TRPV4: variants seen among roughly 807,000 people sequenced by gnomAD.
TRPV4 encodes the protein OSM9-like transient receptor potential channel 4.
In TRPV4, 58 loss-of-function variants were observed where a neutral mutation model predicts 84.1. The observed-to-expected ratio is 0.69, with a 90% CI of 0.56 to 0.86. The LOEUF (loss-of-function observed/expected upper bound fraction) is 0.86. TRPV4 is among the 40% of genes least tolerant of loss of function. The pLI, the probability that TRPV4 is intolerant of heterozygous loss-of-function variation, is 0.00. For missense variants in TRPV4, 879 were observed against 1,181.1 expected (o/e 0.74, Z 3.75); for synonymous variants, 489 against 500.9 (o/e 0.98, Z 0.32).
At chr12:109,791,194 C>T (rs891234319) in intron 12 of TRPV4, among the ~76,000 whole-genome samples, 1 of 152,006 alleles carries the variant, frequency 6.6e-6, no homozygotes, top group Non-Finnish European at 1.5e-5. Context: ...ACCAGCCTGG[C>T]CAACATAGTG....
chr12:109,799,438 C>G (rs1592840368), intron 5 of TRPV4, among the ~76,000 whole-genome samples: 1 of 152,324 alleles, frequency 6.6e-6, no homozygotes, highest in East Asian at 1.9e-4. Context: ...CGTGAGCCAC[C>G]GCGCCCAGCT....
Position 109,786,586 on chromosome 12 carries a change from G to C in TRPV4, c.2336+124C>G. The C allele has an allele frequency of 7.8e-7, 1 of 1,276,316 alleles. No individual in the cohort carries two copies. Among genetic ancestry groups the C allele is most frequent in the East Asian group, 2.5e-5 (1 of 39,462 alleles). The allele number at this position is 1,276,316 out of a possible 1,614,324, so 79.1% of individuals were successfully genotyped here. ...CGCCTGGTGGAAATGAACTCTGCTC[G>C]GGCCTCTTGGGGCCTCAGTGGCTCC... On this transcript the variant is annotated intron_variant, in intron 14 of 15. Coordinates refer to ENST00000261740, the MANE Select transcript of TRPV4 (RefSeq NM_021625.5). The surrounding 1 kb of genome is among the most constrained non-coding windows in gnomAD (Gnocchi z 4.5).
At chr12:109,827,481 A>G (rs1019013128) in intron 1 of TRPV4, among the ~76,000 whole-genome samples, 1 of 151,656 alleles carries the variant, frequency 6.6e-6, no homozygotes, top group Non-Finnish European at 1.5e-5. Flanking sequence ...GGGTCAGTCA[A>G]CCCCATGCCC....
chr12:109,784,167 G>T, intron 15 of TRPV4, 149 bp downstream of exon 15: 1 of 1,287,286 alleles, frequency 7.8e-7, no homozygotes, highest in Non-Finnish European at 1.1e-6. Flanking sequence ...GGTGCCCCAG[G>T]CATTCACAAG....
chr12:109,828,061 T>C (rs1335955510), intron 1 of TRPV4, among the ~76,000 whole-genome samples: 1 of 152,152 alleles, frequency 6.6e-6, no homozygotes, highest in Non-Finnish European at 1.5e-5. Context: ...GAGGAGCTCT[T>C]TGTGCAAGGG....
chr12:109,797,568 C>T (rs1417425337), intron 6 of TRPV4, among the ~76,000 whole-genome samples: 1 of 152,196 alleles, frequency 6.6e-6, no homozygotes, highest in East Asian at 1.9e-4. Context: ...CTCCTCCCAC[C>T]TCAGCCTCCC....
At chr12:109,806,613 G>T (rs1478208865) in intron 3 of TRPV4, among the ~76,000 whole-genome samples, 1 of 151,380 alleles carries the variant, frequency 6.6e-6, no homozygotes, top group Non-Finnish European at 1.5e-5. Context: ...CCAGCACTTT[G>T]GGAGGTTGAG....
rs372251308 is a variant in TRPV4 at position 109,802,986 on chromosome 12, C to T, written c.712+5G>A. The T allele has an allele frequency of 1.5e-5, 24 of 1,613,618 alleles. No homozygotes were observed. The highest frequency in any genetic ancestry group is 1.9e-5 in the Non-Finnish European group (23 of 1,179,968). ...GTGGCACCCCTGCCCAGCCCGGGGCCCCACCTCGATAGTAGATGTCACGGA... is the reference window on the plus strand; with the variant it reads ...GTGGCACCCCTGCCCAGCCCGGGGCTCCACCTCGATAGTAGATGTCACGGA... On this transcript the variant is annotated splice_donor_5th_base_variant and intron_variant, in intron 4 of 15. Coordinates refer to ENST00000261740, the MANE Select transcript of TRPV4 (RefSeq NM_021625.5).
chr12:109,802,838 G>GCATCCATC (rs111807515), intron 4 of TRPV4, among the ~76,000 whole-genome samples, 153 bp downstream of exon 4: 67 of 151,320 alleles, frequency 4.4e-4, no homozygotes, highest in Admixed American at 1.6e-3. Context: ...ATGCATCCAT[G>GCATCCATC]CATCCATCCA....
At position 109,783,430 on chromosome 12, in the gene TRPV4, C is replaced by A; in HGVS notation, c.*191G>T. 1.4e-6 allele frequency: 1 copy of A among 689,744 alleles called. No individual in the cohort carries two copies. The highest frequency in any genetic ancestry group is 2.3e-6 in the Non-Finnish European group (1 of 426,748). 42.7% of individuals were successfully genotyped at this position (689,744 alleles called of 1,614,324 possible). On this transcript the variant is annotated 3_prime_UTR_variant, in exon 16 of 16. Coordinates refer to ENST00000261740, the MANE Select transcript of TRPV4 (RefSeq NM_021625.5). The surrounding 1 kb of genome is among the most constrained non-coding windows in gnomAD (Gnocchi z 4.6). ...ACTCCATAGGAGCAAGACAGGTGGC[C>A]GGGAGCCCCCACCCCAGGGTGGGGA...
At chr12:109,822,574 G>A (rs891805998) in intron 1 of TRPV4, among the ~76,000 whole-genome samples, 3 of 152,174 alleles carry the variant, frequency 2.0e-5, no homozygotes, top group African/African-American at 7.2e-5. Flanking sequence ...AAAGGGGGAG[G>A]CAGGATTAGA....
chr12:109,816,498 C>T (rs1343768566), intron 1 of TRPV4, among the ~76,000 whole-genome samples: 1 of 152,190 alleles, frequency 6.6e-6, no homozygotes, highest in African/African-American at 2.4e-5. Flanking sequence ...GGGGTTTTGG[C>T]TCAGTGCAGC....
intron 1 of TRPV4, among the ~76,000 whole-genome samples, chr12:109,829,411 A>T (rs1478931704): frequency 6.6e-6 from 1 of 152,332 alleles, no homozygotes; most frequent in East Asian, 1.9e-4. Context: ...TCAGGAAAGT[A>T]AAAAAAGTTG....
Position 109,800,729 on chromosome 12 carries a change from G to C in TRPV4, c.742C>G (p.Arg248Gly). The change falls in exon 5 of 16, where the codon CGT becomes GGT. Residue 248 changes from arginine (R) to glycine (G), a missense_variant. This residue lies in a region of TRPV4 where 521 missense variants were observed against 686.6 expected (regional missense o/e 0.76). Transcript: ENST00000261740. ...AGTTCCACGTAGTGTTTGCAGCGAC[G>C]CTCAATGGCGATGTGCAGGGCTGTC... Reference protein sequence around the residue: ...GQTALHIAIERRCKHYVELLV... With the variant: ...GQTALHIAIEGRCKHYVELLV... 1 of 1,613,972 alleles carries C rather than the reference G, an allele frequency of 6.2e-7. No homozygotes were observed. The highest frequency in any genetic ancestry group is 8.5e-7 in the Non-Finnish European group (1 of 1,180,022).
chr12:109,814,326 T>C lies in TRPV4; in HGVS notation c.386+85A>G. 6.8e-7 allele frequency: 1 copy of C among 1,472,682 alleles called. No individual in the cohort carries two copies. Among genetic ancestry groups the C allele is most frequent in the Non-Finnish European group, 9.3e-7 (1 of 1,074,410 alleles). 91.2% of individuals were successfully genotyped at this position (1,472,682 alleles called of 1,614,324 possible). ...ATGGATGGATGAATCGACGGATGGGTGGATAATAGATAGAGGGGTGGATGA... is the reference window on the plus strand; with the variant it reads ...ATGGATGGATGAATCGACGGATGGGCGGATAATAGATAGAGGGGTGGATGA... On this transcript the variant is annotated intron_variant, in intron 2 of 15. Transcript: ENST00000261740. The surrounding 1 kb of genome is among the most constrained non-coding windows in gnomAD (Gnocchi z 5.4).
chr12:109,808,180 G>A, intron 3 of TRPV4, 116 bp downstream of exon 3: 1 of 1,220,932 alleles, frequency 8.2e-7, no homozygotes, highest in Non-Finnish European at 1.2e-6. Context: ...GCACTTTCCA[G>A]GCCAATGCAG....
At chr12:109,816,282 G>T (rs1347384921) in intron 1 of TRPV4, among the ~76,000 whole-genome samples, 1 of 152,172 alleles carries the variant, frequency 6.6e-6, no homozygotes, top group Admixed American at 6.5e-5. Flanking sequence ...GGGAGAGACA[G>T]CCTGGCCTTT....
At chr12:109,795,719 G>T (rs183907347) in intron 7 of TRPV4, among the ~76,000 whole-genome samples, 1 of 151,998 alleles carries the variant, frequency 6.6e-6, no homozygotes, top group Admixed American at 6.6e-5. Flanking sequence ...TGCTAAGTAG[G>T]GAAAAAAAAG....
rs1360617913 is a variant in TRPV4, at chr12:109,783,538, G to A, written c.*83C>T. 7 of 1,533,458 alleles carry A rather than the reference G, an allele frequency of 4.6e-6. No homozygotes were observed. Among genetic ancestry groups the A allele is most frequent in the Middle Eastern group, 1.9e-4 (1 of 5,302 alleles). The allele number at this position is 1,533,458 out of a possible 1,614,324, so 95.0% of individuals were successfully genotyped here. A position where few individuals can be genotyped will look rare whatever the true frequency, so the allele number is the denominator to read the frequency against. The stretch of plus-strand genomic sequence containing the variant: ...CGCCTCTGGGGCCAAAGCAGGGTGT[G>A]GGGGGACACCCCAGAAGGCACTGCT... On this transcript the variant is annotated 3_prime_UTR_variant, in exon 16 of 16. Transcript: ENST00000261740. The surrounding 1 kb of genome is among the most constrained non-coding windows in gnomAD (Gnocchi z 4.6).
Sources: allele counts gnomAD v4.1 joint callset (sites outside exome capture counted in the v4.1 genomes callset), GRCh38; gene constraint gnomAD v4.1.1; regional missense constraint gnomAD v4.1.1; non-coding constraint Gnocchi (gnomAD v3.1); transcripts MANE v1.5; gene names NCBI Gene and HGNC (gene_info 2026-07-23, HGNC 2026-07-21).